ECHDC3: variants seen among roughly 807,000 people sequenced by gnomAD.
ECHDC3 encodes enoyl-CoA hydratase domain containing 3.
In ECHDC3, 20 loss-of-function variants were observed where a neutral mutation model predicts 17.9. That is an observed-to-expected ratio of 1.12 (90% CI 0.79 to 1.63). ECHDC3 has a LOEUF of 1.63. ECHDC3 is among the 40% of genes most tolerant of loss of function. The probability of loss-of-function intolerance (pLI) is 0.00; values close to 1 mark genes in which losing one functional copy is unlikely to be tolerated. For missense variants in ECHDC3, 407 were observed against 357.7 expected (o/e 1.14, Z -1.11); for synonymous variants, 177 against 149.7 (o/e 1.18, Z -1.33).
At chr10:11,751,913 G>A (rs1832828989) in intron 3 of ECHDC3, among the ~76,000 whole-genome samples, 1 of 152,166 alleles carries the variant, frequency 6.6e-6, no homozygotes, top group Non-Finnish European at 1.5e-5. Context: ...AACCCTTAGC[G>A]ATGCTGTTAA....
chr10:11,755,468 G>A lies in ECHDC3; in HGVS notation c.451G>A (p.Ala151Thr), dbSNP rs7910140. Residue 151 changes from alanine (A) to threonine (T), a missense_variant, in exon 4 of 5, where the codon GCG becomes ACG. Physicochemically the swap from Ala to Thr is moderately conservative, Grantham distance 58 (BLOSUM62 0). Transcript: ENST00000379215. ...PVIAMVNGLA[A>T]AAGCQLVASC... ...CATTGCCATGGTCAATGGCCTGGCC[G>A]CGGCTGCCGGCTGTCAACTGGTTGC... 1,591,045 of 1,614,112 alleles carry A rather than the reference G, an allele frequency of 0.99. 786,741 individuals carry two copies. Among genetic ancestry groups the A allele is most frequent in the East Asian group, 1 (44,883 of 44,884 alleles).
intron 4 of ECHDC3, 64 bp downstream of exon 4, chr10:11,755,672 A>C (rs1309591088): frequency 4.8e-6 from 7 of 1,445,886 alleles, no homozygotes; most frequent in Non-Finnish European, 2.8e-6. Context: ...CCTCCAGTGC[A>C]TGCGATGATT....
intron 4 of ECHDC3, among the ~76,000 whole-genome samples, chr10:11,758,169 G>A (rs1832905559): frequency 6.6e-6 from 1 of 152,210 alleles, no homozygotes. Context: ...ATGCAATCAA[G>A]CCTGTCTGTT....
rs149884607 is a variant in ECHDC3 at position 11,747,468 on chromosome 10, C to T, written c.290C>T (p.Ser97Leu). ...DSNDLKVIIISAEGPVFSSGH... is the reference protein window; with the variant it reads ...DSNDLKVIIILAEGPVFSSGH... ...AACGATCTGAAAGTCATTATCATCT[C>T]GGGTATGTATCTGATATCTGTCCTT... Residue 97 changes from serine to leucine, a missense_variant and splice_region_variant, in exon 2 of 5, where the codon TCG becomes TTG. Transcript: ENST00000379215. 7.4e-6 allele frequency: 12 copies of T among 1,613,410 alleles called. No homozygotes were observed. Among genetic ancestry groups the T allele is most frequent in the African/African-American group, 1.3e-5 (1 of 74,908 alleles).
intron 2 of ECHDC3, among the ~76,000 whole-genome samples, chr10:11,748,551 A>C (rs1214019555): frequency 1.3e-5 from 2 of 152,038 alleles, no homozygotes; most frequent in Non-Finnish European, 2.9e-5. Flanking sequence ...CTACATAATT[A>C]CCTCACTTAC....
At chr10:11,748,239 T>A (rs1056325907) in intron 2 of ECHDC3, among the ~76,000 whole-genome samples, 1 of 152,066 alleles carries the variant, frequency 6.6e-6, no homozygotes, top group Non-Finnish European at 1.5e-5. Flanking sequence ...TTTTTTTTTT[T>A]TTATTTGATA....
chr10:11,755,692 C>T, intron 4 of ECHDC3, 84 bp downstream of exon 4: 1 of 1,324,984 alleles, frequency 7.5e-7, no homozygotes, highest in South Asian at 1.3e-5. Flanking sequence ...TCAAGATCCG[C>T]TTGTTAAAAG....
chr10:11,745,382 G>A (rs1240354779), intron 1 of ECHDC3, among the ~76,000 whole-genome samples: 2 of 152,124 alleles, frequency 1.3e-5, no homozygotes, highest in Non-Finnish European at 1.5e-5. Context: ...GCTACAAGAA[G>A]CACCCTCAAT....
At position 11,763,462 on chromosome 10, in the gene ECHDC3, A is replaced by G. The variant is rs771835928; in HGVS notation, c.830A>G (p.Asn277Ser). Residue 277 changes from asparagine (N) to serine (S), a missense_variant, in exon 5 of 5, where the codon AAC becomes AGC. Coordinates refer to ENST00000379215, the MANE Select transcript of ECHDC3 (RefSeq NM_024693.5). The surrounding 1 kb of genome is among the most constrained non-coding windows in gnomAD (Gnocchi z 4.9). Reference sequence around the variant, plus strand: ...CTCACCTCCCAGGCCATGGTGGACAACCTGGCCCTGCGGGACGGGCAGGAG... The same window carrying G: ...CTCACCTCCCAGGCCATGGTGGACAGCCTGGCCCTGCGGGACGGGCAGGAG... ...YYLTSQAMVDNLALRDGQEGI... is the reference protein window; with the variant it reads ...YYLTSQAMVDSLALRDGQEGI... 2 of 978,802 alleles carry G rather than the reference A, an allele frequency of 2.0e-6. No individual in the cohort carries two copies. The highest frequency in any genetic ancestry group is 1.6e-5 in the African/African-American group (1 of 63,046). The allele number at this position is 978,802 out of a possible 1,614,324, so 60.6% of individuals were successfully genotyped here.
At chr10:11,747,593 A>G (rs1187483189) in intron 2 of ECHDC3, 123 bp downstream of exon 2, 3 of 1,235,864 alleles carry the variant, frequency 2.4e-6, no homozygotes, top group African/African-American at 3.0e-5. Flanking sequence ...TTACAAGAAC[A>G]TTAATTATGG....
At chr10:11,746,420 T>G (rs1227244246) in intron 1 of ECHDC3, among the ~76,000 whole-genome samples, 1 of 151,304 alleles carries the variant, frequency 6.6e-6, no homozygotes, top group Non-Finnish European at 1.5e-5. Flanking sequence ...CACAACAGGG[T>G]GACTATAGTC....
intron 4 of ECHDC3, among the ~76,000 whole-genome samples, chr10:11,756,837 G>A (rs1359674254): frequency 6.6e-6 from 1 of 151,816 alleles, no homozygotes; most frequent in Non-Finnish European, 1.5e-5. Flanking sequence ...CAATGTTCAA[G>A]GGATTCTCCT....
chr10:11,745,442 T>A (rs1183517988), intron 1 of ECHDC3, among the ~76,000 whole-genome samples: 2 of 152,224 alleles, frequency 1.3e-5, no homozygotes, highest in Non-Finnish European at 2.9e-5. Context: ...CCACCAAATA[T>A]AAGTTTTGAA....
At chr10:11,750,974 C>T (rs1018935751) in intron 3 of ECHDC3, among the ~76,000 whole-genome samples, 2 of 152,136 alleles carry the variant, frequency 1.3e-5, no homozygotes, top group Non-Finnish European at 2.9e-5. Context: ...TAAACAGGAA[C>T]AGCAATTTAC....
Position 11,763,595 on chromosome 10 carries a change from C to G in ECHDC3, c.*51C>G. The G allele has an allele frequency of 6.9e-7, 1 of 1,444,622 alleles. No homozygotes were observed. The highest frequency in any genetic ancestry group is 9.1e-7 in the Non-Finnish European group (1 of 1,102,442). 89.5% of individuals were successfully genotyped at this position (1,444,622 alleles called of 1,614,324 possible). Reference sequence around the variant, plus strand: ...GGGCAGCGCCCAGGAGCCCACCTTCCCCTCTGGCCCAGCCACCACTGCCTC... The same window carrying G: ...GGGCAGCGCCCAGGAGCCCACCTTCGCCTCTGGCCCAGCCACCACTGCCTC... On this transcript the variant is annotated 3_prime_UTR_variant, in exon 5 of 5. Coordinates refer to ENST00000379215, the MANE Select transcript of ECHDC3 (RefSeq NM_024693.5). The surrounding 1 kb of genome is among the most constrained non-coding windows in gnomAD (Gnocchi z 4.9).
intron 4 of ECHDC3, among the ~76,000 whole-genome samples, chr10:11,758,985 T>C (rs10752228): frequency 0.93 from 142,350 of 152,254 alleles, 67,353 homozygotes; most frequent in East Asian, 1. Context: ...GGTGATGGTG[T>C]TGGAAGGTGG....
chr10:11,755,277 G>A, intron 3 of ECHDC3, 131 bp from the exon 4 acceptor site: 1 of 795,506 alleles, frequency 1.3e-6, no homozygotes, highest in South Asian at 2.0e-5. Flanking sequence ...AGTGAGCCAG[G>A]ATCTTGCCAC....
chr10:11,752,474 T>C (rs1212629544), intron 3 of ECHDC3, among the ~76,000 whole-genome samples: 1 of 151,888 alleles, frequency 6.6e-6, no homozygotes. Context: ...TTTGAAAGTC[T>C]AGAACAGTAA....
In ECHDC3 at chr10:11,764,058, A is replaced by G; in HGVS notation, c.*514A>G. The G allele has an allele frequency of 1.4e-6, 1 of 714,374 alleles. No homozygotes were observed. The highest frequency in any genetic ancestry group is 6.3e-5 in the South Asian group (1 of 15,862). The allele number at this position is 714,374 out of a possible 1,614,324, so 44.3% of individuals were successfully genotyped here. ...ATCTTATGTGATTTAAATAAATTAA[A>G]TCTTTATAGAGACTGGTATGTTTTA... On this transcript the variant is annotated 3_prime_UTR_variant, in exon 5 of 5. Transcript: ENST00000379215.
Sources: allele counts gnomAD v4.1 joint callset (sites outside exome capture counted in the v4.1 genomes callset), GRCh38; gene constraint gnomAD v4.1.1; non-coding constraint Gnocchi (gnomAD v3.1); transcripts MANE v1.5; gene names NCBI Gene and HGNC (gene_info 2026-07-23, HGNC 2026-07-21).